The following SRGAP2 variants were observed in gnomAD, a reference collection of about 807,000 sequenced individuals.
SRGAP2 encodes the protein SLIT-ROBO Rho GTPase activating protein 2.
In SRGAP2, 15 loss-of-function variants were observed where a neutral mutation model predicts 57.2. The observed-to-expected ratio is 0.26, with a 90% CI of 0.18 to 0.40. The LOEUF (loss-of-function observed/expected upper bound fraction) is 0.40. SRGAP2 is among the 10% of genes least tolerant of loss of function. The probability of loss-of-function intolerance (pLI) is 1.00; values close to 1 mark genes in which losing one functional copy is unlikely to be tolerated. For missense variants in SRGAP2, 520 were observed against 669.6 expected (o/e 0.78, Z 2.47); for synonymous variants, 249 against 248.0 (o/e 1.00, Z -0.04).
chr1:206,383,474 G>A (rs1241499915), intron 4 of SRGAP2, among the ~76,000 whole-genome samples: 9 of 152,124 alleles, frequency 5.9e-5, no homozygotes, highest in Admixed American at 3.3e-4. Flanking sequence ...AATCTCACAG[G>A]CAGTCAATAT....
chr1:206,332,688 G>A (rs1189648612), intron 3 of SRGAP2, among the ~76,000 whole-genome samples: 7 of 145,740 alleles, frequency 4.8e-5, no homozygotes, highest in African/African-American at 8.2e-5. Context: ...CTCTGTATTC[G>A]TTATTCTAGT....
intron 4 of SRGAP2, among the ~76,000 whole-genome samples, chr1:206,353,641 G>C (rs1676200888): frequency 6.6e-6 from 1 of 151,728 alleles, no homozygotes; most frequent in African/African-American, 2.4e-5. Flanking sequence ...TTTGCAATGA[G>C]CTGAGATTGT....
chr1:206,411,119 C>T (rs1349624078), intron 10 of SRGAP2, among the ~76,000 whole-genome samples: 1 of 152,228 alleles, frequency 6.6e-6, no homozygotes, highest in Non-Finnish European at 1.5e-5. Context: ...CTTGGCCTCC[C>T]AAAGTGCTGG....
intron 13 of SRGAP2, among the ~76,000 whole-genome samples, chr1:206,422,816 T>A (rs1660433040): frequency 6.6e-6 from 1 of 152,222 alleles, no homozygotes; most frequent in Non-Finnish European, 1.5e-5. Flanking sequence ...TGCCTGGTGC[T>A]AGATTTGCGT....
intron 18 of SRGAP2, among the ~76,000 whole-genome samples, chr1:206,446,936 C>T (rs1662806998): frequency 6.6e-6 from 1 of 152,174 alleles, no homozygotes; most frequent in East Asian, 1.9e-4. Context: ...CTAGACCCCT[C>T]TGTTTGACAA....
intron 5 of SRGAP2, among the ~76,000 whole-genome samples, chr1:206,392,051 T>C (rs1296595905): frequency 6.6e-6 from 1 of 151,774 alleles, no homozygotes; most frequent in Non-Finnish European, 1.5e-5. Context: ...TGAGAAAATG[T>C]GTTGTGTGGT....
At chr1:206,224,261 T>C (rs1258358828) in intron 2 of SRGAP2, among the ~76,000 whole-genome samples, 1 of 152,074 alleles carries the variant, frequency 6.6e-6, no homozygotes, top group Non-Finnish European at 1.5e-5. Flanking sequence ...GAATGTGTTA[T>C]TTTGCAGTTG....
chr1:206,258,019 G>A (rs564182945), intron 2 of SRGAP2, among the ~76,000 whole-genome samples: 12 of 152,232 alleles, frequency 7.9e-5, no homozygotes, highest in South Asian at 4.1e-4. Context: ...CATAAGCACC[G>A]TAAAGGTGGT....
rs1296591819 is a variant in SRGAP2, at chr1:206,303,185, C to T, written c.68-96C>T. ...TCAGGGCTTTCAATTTCCCAGGGCA[C>T]GGGGAATAAGTAAGTGGAAGGTGGG... On this transcript the variant is annotated intron_variant, in intron 2 of 22. Coordinates refer to ENST00000573034, the MANE Select transcript of SRGAP2 (RefSeq NM_015326.5). 1.2e-3 allele frequency: 753 copies of T among 603,570 alleles called. 1 individual carries two copies. The highest frequency in any genetic ancestry group is 1.7e-3 in the Non-Finnish European group (621 of 367,702). 37.4% of individuals were successfully genotyped at this position (603,570 alleles called of 1,614,324 possible).
Position 206,446,109 on chromosome 1 carries a change from C to T in SRGAP2, c.1909C>T (p.Pro637Ser), listed in dbSNP as rs1553373623. 2.6e-6 allele frequency: 2 copies of T among 780,804 alleles called. No homozygotes were observed. Among genetic ancestry groups the T allele is most frequent in the Non-Finnish European group, 2.4e-6 (1 of 418,022 alleles). 48.4% of individuals were successfully genotyped at this position (780,804 alleles called of 1,614,324 possible). A position where few individuals can be genotyped will look rare whatever the true frequency, so the allele number is the denominator to read the frequency against. The change falls in exon 18 of 23, where the codon CCC (proline) becomes TCC (serine). Residue 637 changes from proline (P) to serine (S), a missense_variant. Around this residue, in one of 5 missense-constraint regions of SRGAP2, gnomAD observed 478 missense variants for 373.6 expected, o/e 1.28. Coordinates refer to ENST00000573034, the MANE Select transcript of SRGAP2 (RefSeq NM_015326.5). ...SQFSEENMMD[P>S]YNLAICFGPS... Reference sequence around the variant, plus strand: ...GTTCAGTGAAGAGAACATGATGGACCCCTACAACCTCGCCATCTGCTTCGG... The same window carrying T: ...GTTCAGTGAAGAGAACATGATGGACTCCTACAACCTCGCCATCTGCTTCGG...
At chr1:206,292,497 G>A (rs1671384023) in intron 2 of SRGAP2, among the ~76,000 whole-genome samples, 1 of 151,186 alleles carries the variant, frequency 6.6e-6, no homozygotes, top group Non-Finnish European at 1.5e-5. Context: ...TGTTCATCTG[G>A]GGTGATGCAT....
At chr1:206,321,929 G>T (rs1158890948) in intron 3 of SRGAP2, among the ~76,000 whole-genome samples, 1 of 152,088 alleles carries the variant, frequency 6.6e-6, no homozygotes, top group Admixed American at 6.6e-5. Context: ...GTGGGAAATG[G>T]TATTTAGAAA....
intron 4 of SRGAP2, among the ~76,000 whole-genome samples, chr1:206,361,755 TATTTA>T (rs1481115671): frequency 7.9e-6 from 1 of 126,704 alleles, no homozygotes; most frequent in African/African-American, 3.1e-5. Context: ...TTGGCTTTGT[TATTTA>T]ATTTAATTTA....
intron 21 of SRGAP2, among the ~76,000 whole-genome samples, chr1:206,456,572 A>G (rs1331219417): frequency 1.3e-5 from 2 of 152,238 alleles, no homozygotes; most frequent in Non-Finnish European, 2.9e-5. Flanking sequence ...CCATTTGTGC[A>G]TAGAAATTGT....
chr1:206,237,602 A>C (rs1667987458), intron 2 of SRGAP2, among the ~76,000 whole-genome samples: 2 of 152,160 alleles, frequency 1.3e-5, no homozygotes, highest in African/African-American at 4.8e-5. Context: ...TCTTCCAAGC[A>C]TTCAACCTCT....
At chr1:206,346,833 A>G (rs1156482798) in intron 4 of SRGAP2, among the ~76,000 whole-genome samples, 2 of 152,240 alleles carry the variant, frequency 1.3e-5, no homozygotes, top group African/African-American at 4.8e-5. Flanking sequence ...TCTATGTGCC[A>G]GGTATTGTGT....
At chr1:206,291,258 T>C (rs1671303012) in intron 2 of SRGAP2, among the ~76,000 whole-genome samples, 1 of 152,038 alleles carries the variant, frequency 6.6e-6, no homozygotes, top group Non-Finnish European at 1.5e-5. Context: ...TTGTGATCTG[T>C]TACTGTCTGA....
intron 10 of SRGAP2, among the ~76,000 whole-genome samples, chr1:206,411,693 A>G (rs1198378838): frequency 6.6e-6 from 1 of 152,220 alleles, no homozygotes; most frequent in Non-Finnish European, 1.5e-5. Context: ...ATTAAATCCA[A>G]GGCATAAGCA....
At chr1:206,302,912 C>G (rs1671957104) in intron 2 of SRGAP2, among the ~76,000 whole-genome samples, 1 of 119,370 alleles carries the variant, frequency 8.4e-6, no homozygotes, top group Non-Finnish European at 1.7e-5. Context: ...GTACCTGCCT[C>G]ATAGGATGGT....
Sources: gnomAD v4.1 joint callset for allele counts (sites outside exome capture counted in the v4.1 genomes callset) on GRCh38, gnomAD v4.1.1 for gene constraint, gnomAD v4.1.1 regional missense constraint, MANE v1.5 for transcripts, NCBI Gene and HGNC (gene_info 2026-07-23, HGNC 2026-07-21) for gene names.